MAP3K5: variants seen among roughly 807,000 people sequenced by gnomAD.
MAP3K5 encodes ASK-1.
MAP3K5 carries 56 observed loss-of-function variants against 158.7 expected under a neutral mutation model. That is an observed-to-expected ratio of 0.35 (90% CI 0.28 to 0.44). The LOEUF is 0.44. MAP3K5 is among the 20% of genes least tolerant of loss of function. The pLI, the probability that MAP3K5 is intolerant of heterozygous loss-of-function variation, is 1.00. For missense variants in MAP3K5, 1,294 were observed against 1,674.8 expected, an observed-to-expected ratio of 0.77 and a Z score of 3.97; for synonymous variants, 579 against 601.7, an observed-to-expected ratio of 0.96 and a Z score of 0.55.
At chr6:136,727,724 G>A (rs4598089) in intron 1 of MAP3K5, among the ~76,000 whole-genome samples, 45 of 151,908 alleles carry the variant, frequency 3.0e-4, no homozygotes, top group Non-Finnish European at 8.8e-5. Context: ...ACTTTGGGAG[G>A]CCAAGGCGGG....
chr6:136,656,600 G>T, intron 9 of MAP3K5, 140 bp from the exon 10 acceptor site: 5 of 558,558 alleles, frequency 9.0e-6, no homozygotes, highest in East Asian at 3.0e-5. Context: ...TTCGTTATTT[G>T]TTGCATATCG....
In MAP3K5 at chr6:136,698,638, T is replaced by C. The variant is rs767029836; in HGVS notation, c.657A>G (p.Pro219=). The C allele has an allele frequency of 1.2e-6, 2 of 1,613,876 alleles. No homozygotes were observed. The highest frequency in any genetic ancestry group is 1.3e-5 in the African/African-American group (1 of 74,918). Residue 219 remains proline (P), a synonymous_variant, in exon 4 of 30, where the codon CCA becomes CCG. Coordinates refer to ENST00000359015, the MANE Select transcript of MAP3K5 (RefSeq NM_005923.4). The part of the protein sequence containing the change: ...NYTFVPYMIT[P]HNKVYCCDSS... ...TGTCACAGCAGTAGACTTTGTTATG[T>C]GGAGTTATCATGTAAGGAACAAAGG...
intron 4 of MAP3K5, among the ~76,000 whole-genome samples, chr6:136,697,653 C>A (rs570449803): frequency 9.3e-5 from 14 of 151,344 alleles, no homozygotes; most frequent in African/African-American, 2.5e-4. Flanking sequence ...CTGCAAAAAA[C>A]CACTTAAAAT....
chr6:136,648,495 T>C (rs984194841), intron 11 of MAP3K5, among the ~76,000 whole-genome samples: 4 of 152,134 alleles, frequency 2.6e-5, no homozygotes, highest in Non-Finnish European at 4.4e-5. Flanking sequence ...GGACTTGGTG[T>C]TGAGAGCATG....
chr6:136,749,372 C>CAA (rs568913197), intron 1 of MAP3K5, among the ~76,000 whole-genome samples: 4 of 87,526 alleles, frequency 4.6e-5, no homozygotes, highest in African/African-American at 8.6e-5. Context: ...AACTCTGTAT[C>CAA]AAAAAAAAAA....
chr6:136,686,560 G>C (rs1780158029), intron 7 of MAP3K5, among the ~76,000 whole-genome samples: 1 of 152,118 alleles, frequency 6.6e-6, no homozygotes, highest in African/African-American at 2.4e-5. Context: ...AAGCTGGTAA[G>C]CAACTTCAGC....
In MAP3K5 at chr6:136,754,543, C is replaced by G. The variant is rs554968532; in HGVS notation, c.449-33954G>C. On this transcript the variant is annotated intron_variant, in intron 1 of 29. Coordinates refer to ENST00000359015, the MANE Select transcript of MAP3K5 (RefSeq NM_005923.4). ...TGCAGCAAGTGATGATGGCATGCAC[C>G]ACTGCACTCCAGCCTGGGCAACAGA... is the stretch of plus-strand genomic sequence containing the variant. Among the ~76,000 whole-genome samples, 3 of 150,912 alleles carry G rather than the reference C, an allele frequency of 2.0e-5. No homozygotes were observed. The East Asian group carries it at 5.9e-4, about 29-fold the overall frequency.
At chr6:136,580,010 A>G (rs547999503) in intron 25 of MAP3K5, among the ~76,000 whole-genome samples, 27 of 152,326 alleles carry the variant, frequency 1.8e-4, no homozygotes, top group African/African-American at 6.5e-4. Flanking sequence ...TGGTCCAGAT[A>G]TCTATATTTT....
At chr6:136,642,711 G>A in intron 11 of MAP3K5, 142 bp from the exon 12 acceptor site, 2 of 640,110 alleles carry the variant, frequency 3.1e-6, no homozygotes, top group Non-Finnish European at 5.6e-6. Flanking sequence ...TTATCTGGAT[G>A]GAAAGCACAA....
At chr6:136,632,398 T>A (rs2129102287) in intron 14 of MAP3K5, among the ~76,000 whole-genome samples, 1 of 152,250 alleles carries the variant, frequency 6.6e-6, no homozygotes, top group Middle Eastern at 3.4e-3. Context: ...ATGCCTGTAG[T>A]CCCAGCTACT....
chr6:136,777,902 A>G (rs1784461934), intron 1 of MAP3K5, among the ~76,000 whole-genome samples: 1 of 152,196 alleles, frequency 6.6e-6, no homozygotes. Context: ...ACACAATTTT[A>G]TTATGTAACA....
chr6:136,731,444 G>A (rs188898037), intron 1 of MAP3K5, among the ~76,000 whole-genome samples: 7 of 152,206 alleles, frequency 4.6e-5, no homozygotes, highest in East Asian at 3.9e-4. Context: ...CTAAGTTTTC[G>A]GCACTCCTTG....
rs757418759 is a variant in MAP3K5, at chr6:136,613,236, G to A, written c.2299C>T (p.Arg767Cys). The change falls in exon 17 of 30, where the codon CGT becomes TGT. Residue 767 changes from arginine (R) to cysteine (C), a missense_variant. Around this residue, in one of 5 missense-constraint regions of MAP3K5, gnomAD observed 41 missense variants for 98.2 expected, o/e 0.42. Coordinates refer to ENST00000359015, the MANE Select transcript of MAP3K5 (RefSeq NM_005923.4). The surrounding 1 kb of genome is among the most constrained non-coding windows in gnomAD (Gnocchi z 4.0). ...VPGGSLSALL[R>C]SKWGPLKDNE... is the part of the protein sequence containing the mutation. ...TCTTTTAATGGACCCCATTTGGAAC[G>A]AAGGAGAGCAGAAAGACTTCCTGTA... is the stretch of plus-strand genomic sequence containing the variant. The A allele has an allele frequency of 8.7e-6, 14 of 1,613,024 alleles. No individual in the cohort carries two copies. The highest frequency in any genetic ancestry group is 1.1e-5 in the Non-Finnish European group (13 of 1,179,490).
At chr6:136,752,952 A>G (rs1783285838) in intron 1 of MAP3K5, among the ~76,000 whole-genome samples, 1 of 152,088 alleles carries the variant, frequency 6.6e-6, no homozygotes. Context: ...GCTCCTTCAC[A>G]CCACTCAGGC....
chr6:136,595,514 G>GA (rs1775587007), intron 21 of MAP3K5, among the ~76,000 whole-genome samples: 1 of 152,178 alleles, frequency 6.6e-6, no homozygotes, highest in Admixed American at 6.5e-5. Flanking sequence ...CTATATGTCA[G>GA]GTAGCCAGCA....
chr6:136,769,727 G>A (rs1448552766), intron 1 of MAP3K5, among the ~76,000 whole-genome samples: 1 of 133,576 alleles, frequency 7.5e-6, no homozygotes, highest in Admixed American at 8.1e-5. Context: ...TGCACTGAAG[G>A]AAGGGAGGAA....
intron 25 of MAP3K5, 82 bp from the exon 26 acceptor site, chr6:136,567,956 T>C: frequency 7.1e-7 from 1 of 1,402,360 alleles, no homozygotes; most frequent in South Asian, 1.3e-5. Flanking sequence ...GCTACCCTCC[T>C]GCCCCACCGT....
At chr6:136,672,989 C>CAAAA (rs538682132) in intron 7 of MAP3K5, among the ~76,000 whole-genome samples, 2 of 83,988 alleles carry the variant, frequency 2.4e-5, no homozygotes, top group East Asian at 3.4e-4. Flanking sequence ...GACTCTATCT[C>CAAAA]AAAAAAAAAA....
Position 136,642,558 on chromosome 6 carries a change from A to G in MAP3K5, c.1800T>C (p.His600=), listed in dbSNP as rs1015839709. 1.2e-6 allele frequency: 2 copies of G among 1,607,116 alleles called. No individual in the cohort carries two copies. The highest frequency in any genetic ancestry group is 2.7e-5 in the African/African-American group (2 of 74,740). ...CAGAAGAGGCACTAAAATTCCACTC[A>G]TGTATACCTTTCTAGAACAACAACA... is the stretch of plus-strand genomic sequence containing the variant. ...HVLPDDKKGI[H]EWNFSASSVR... Residue 600 remains histidine, a synonymous_variant, in exon 12 of 30, where the codon CAT becomes CAC. Transcript: ENST00000359015.
Sources: gnomAD v4.1 joint callset for allele counts (sites outside exome capture counted in the v4.1 genomes callset) on GRCh38, gnomAD v4.1.1 for gene constraint, gnomAD v4.1.1 regional missense constraint, Gnocchi (gnomAD v3.1) non-coding constraint, MANE v1.5 for transcripts, NCBI Gene and HGNC (gene_info 2026-07-23, HGNC 2026-07-21) for gene names.